The following ELMO1 variants were observed in gnomAD, a reference collection of about 807,000 sequenced individuals.
ELMO1 encodes engulfment and cell motility 1.
Under a neutral mutation model 98.9 loss-of-function variants are expected in ELMO1, and 26 were observed. The observed-to-expected ratio is 0.26, with a 90% CI of 0.19 to 0.36. ELMO1 has a LOEUF of 0.36. Among genes scored for constraint, ELMO1 ranks in the 10% least tolerant of loss-of-function variants. ELMO1 has a pLI of 1.00. For synonymous variants in ELMO1, 346 were observed against 346.0 expected (o/e 1.00, Z 0.00); for missense variants, 627 against 935.2 (o/e 0.67, Z 4.30).
Position 37,110,894 on chromosome 7 carries a change from G to A in ELMO1, c.1192-14167C>T, listed in dbSNP as rs142815154. ...CTTGCATGGCTGGGTATGGTGGTGAGCGTAGGGGATTTTTTGGTAAGCTCT... is the reference window on the plus strand; with the variant it reads ...CTTGCATGGCTGGGTATGGTGGTGAACGTAGGGGATTTTTTGGTAAGCTCT... On this transcript the variant is annotated intron_variant, in intron 14 of 21. Coordinates refer to ENST00000310758, the MANE Select transcript of ELMO1 (RefSeq NM_014800.11). Among the ~76,000 whole-genome samples the A allele has an allele frequency of 9.7e-3, 1,472 of 152,278 alleles. 13 individuals are homozygous for A. Among genetic ancestry groups the A allele is most frequent in the Non-Finnish European group, 0.015 (1,030 of 68,020 alleles).
intron 12 of ELMO1, 75 bp from the exon 13 acceptor site, chr7:37,211,592 C>T (rs761988353): frequency 2.8e-4 from 434 of 1,547,570 alleles, no homozygotes; most frequent in Non-Finnish European, 3.5e-4. Context: ...CATATACTCC[C>T]TCTTTCCCTG....
At chr7:37,391,277 C>G (rs1008660902) in intron 1 of ELMO1, among the ~76,000 whole-genome samples, 13 of 151,956 alleles carry the variant, frequency 8.6e-5, no homozygotes, top group African/African-American at 2.4e-4. Flanking sequence ...CCAACATGTC[C>G]GGCTAATTTT....
intron 13 of ELMO1, among the ~76,000 whole-genome samples, chr7:37,146,510 T>G (rs1787997719): frequency 6.6e-6 from 1 of 152,056 alleles, no homozygotes; most frequent in African/African-American, 2.4e-5. Flanking sequence ...GGACATACAT[T>G]CTTTGAGTTG....
At chr7:37,271,659 T>G in intron 5 of ELMO1, 173 bp downstream of exon 5, 1 of 643,122 alleles carries the variant, frequency 1.6e-6, no homozygotes, top group South Asian at 2.1e-5. Flanking sequence ...TCCTCTGCAG[T>G]GGGAAATCTA....
rs1240859374 is a variant in ELMO1 at position 37,398,234 on chromosome 7, G to C, written c.-74+50441C>G. Among the ~76,000 whole-genome samples the C allele has an allele frequency of 2.6e-5, 4 of 152,144 alleles. No homozygotes were observed. The East Asian group carries it at 7.7e-4, about 29-fold the overall frequency. On this transcript the variant is annotated intron_variant, in intron 1 of 21. Coordinates refer to ENST00000310758, the MANE Select transcript of ELMO1 (RefSeq NM_014800.11). ...TATGACTGTTGTGAGAATTAAAAGA[G>C]CTCACAGAGCTCTAGCACAGAGCCT...
At chr7:37,099,068 T>C (rs1784507076) in intron 14 of ELMO1, among the ~76,000 whole-genome samples, 2 of 152,220 alleles carry the variant, frequency 1.3e-5, no homozygotes, top group Non-Finnish European at 2.9e-5. Flanking sequence ...CACAGTTTAT[T>C]AGCAGGCACT....
chr7:37,009,056 A>T (rs779848937), intron 16 of ELMO1, among the ~76,000 whole-genome samples: 19 of 152,132 alleles, frequency 1.2e-4, no homozygotes, highest in Non-Finnish European at 2.6e-4. Flanking sequence ...GTATACTCTC[A>T]TTACATTTTT....
chr7:37,342,805 G>A lies in ELMO1; in HGVS notation c.-73-42C>T. The A allele has an allele frequency of 2.1e-6, 2 of 953,584 alleles. No individual in the cohort carries two copies. The highest frequency in any genetic ancestry group is 3.1e-6 in the Non-Finnish European group (2 of 636,956). 59.1% of individuals were successfully genotyped at this position (953,584 alleles called of 1,614,324 possible). A position where few individuals can be genotyped will look rare whatever the true frequency, so the allele number is the denominator to read the frequency against. On this transcript the variant is annotated intron_variant, in intron 1 of 21. Coordinates refer to ENST00000310758, the MANE Select transcript of ELMO1 (RefSeq NM_014800.11). The surrounding 1 kb of genome is among the most constrained non-coding windows in gnomAD (Gnocchi z 4.3). ...GAAAAAGAAAGAGAAGTCACTCAGT[G>A]CAGATGCAGGGTGAATTTTGCTTCA...
At chr7:36,966,994 T>C (rs1391827006) in intron 16 of ELMO1, among the ~76,000 whole-genome samples, 1 of 152,204 alleles carries the variant, frequency 6.6e-6, no homozygotes, top group Non-Finnish European at 1.5e-5. Flanking sequence ...AGTGCCAAGG[T>C]ATAACGTGCT....
intron 16 of ELMO1, among the ~76,000 whole-genome samples, chr7:36,937,475 G>A (rs557369269): frequency 6.6e-6 from 1 of 152,296 alleles, no homozygotes; most frequent in African/African-American, 2.4e-5. Flanking sequence ...AAAACTAGGA[G>A]ACCATAACTT....
chr7:36,977,138 T>C lies in ELMO1; in HGVS notation c.1437+36161A>G, dbSNP rs190168665. ...TTAGGAAAAGGACAGAGACTGAGAA[T>C]TGGAGTCTCCCTGAGTCTGGCCCTC... On this transcript the variant is annotated intron_variant, in intron 16 of 21. Transcript: ENST00000310758. 4.1e-4 allele frequency among the ~76,000 whole-genome samples: 63 copies of C among 152,350 alleles called. 1 individual carries two copies. Among genetic ancestry groups the C allele is most frequent in the Middle Eastern group, 6.8e-3 (2 of 294 alleles).
At chr7:37,291,949 CCCACGGTCTCCCTCTCCCTCTCTTT>C (rs1314045765) in intron 4 of ELMO1, among the ~76,000 whole-genome samples, 1,929 of 113,006 alleles carry the variant, frequency 0.017, 42 homozygotes, top group Non-Finnish European at 0.02. Context: ...TCTCCCTCTG[CCCACGGTCTCCCTCTCCCTCTCTTT>C]CCACGGTCTC....
At chr7:37,415,728 CA>C (rs773509550) in intron 1 of ELMO1, among the ~76,000 whole-genome samples, 5 of 152,134 alleles carry the variant, frequency 3.3e-5, no homozygotes, top group Non-Finnish European at 7.4e-5. Flanking sequence ...AAAGATATAT[CA>C]GGGCTTCAGG....
At chr7:37,245,298 A>G (rs1294324424) in intron 6 of ELMO1, among the ~76,000 whole-genome samples, 3 of 152,126 alleles carry the variant, frequency 2.0e-5, no homozygotes, top group South Asian at 2.1e-4. Context: ...CTGTCCTTCT[A>G]GCTGCTTGAG....
At chr7:37,146,353 G>C (rs1787988787) in intron 13 of ELMO1, among the ~76,000 whole-genome samples, 1 of 152,288 alleles carries the variant, frequency 6.6e-6, no homozygotes, top group South Asian at 2.1e-4. Flanking sequence ...CATACTATAA[G>C]AACCACTGCT....
intron 15 of ELMO1, among the ~76,000 whole-genome samples, chr7:37,052,431 T>G (rs12535415): frequency 6.6e-6 from 1 of 152,038 alleles, no homozygotes; most frequent in East Asian, 1.9e-4. Context: ...ATTTTTGTAT[T>G]TATTCTATCA....
chr7:36,924,625 G>T (rs563204735), intron 16 of ELMO1, among the ~76,000 whole-genome samples: 3 of 152,132 alleles, frequency 2.0e-5, no homozygotes, highest in Non-Finnish European at 2.9e-5. Flanking sequence ...AATATATTTG[G>T]TAAATATAAT....
chr7:37,219,680 A>C (rs1411552761), intron 10 of ELMO1, among the ~76,000 whole-genome samples: 1 of 152,206 alleles, frequency 6.6e-6, no homozygotes, highest in Non-Finnish European at 1.5e-5. Context: ...CTTTGCAGGT[A>C]AAAGCAGGGA....
At chr7:36,967,792 C>T (rs1789575180) in intron 16 of ELMO1, among the ~76,000 whole-genome samples, 1 of 152,172 alleles carries the variant, frequency 6.6e-6, no homozygotes, top group African/African-American at 2.4e-5. Flanking sequence ...TAGCTAATAT[C>T]TTCTCCCTCC....
Sources: allele counts gnomAD v4.1 joint callset (sites outside exome capture counted in the v4.1 genomes callset), GRCh38; gene constraint gnomAD v4.1.1; non-coding constraint Gnocchi (gnomAD v3.1); transcripts MANE v1.5; gene names NCBI Gene and HGNC (gene_info 2026-07-23, HGNC 2026-07-21).